The following FAAH2 variants were observed in gnomAD, a reference collection of about 807,000 sequenced individuals.
FAAH2 encodes the protein fatty-acid amide hydrolase 2.
FAAH2 carries 60 observed loss-of-function variants against 36.9 expected under a neutral mutation model. That is an observed-to-expected ratio of 1.63 (90% CI 1.32 to 2.02). The LOEUF (loss-of-function observed/expected upper bound fraction) is 2.02. Ranked by LOEUF, FAAH2 falls within the 30% of genes most tolerant of loss-of-function variation. FAAH2 has a pLI of 0.00. For synonymous variants in FAAH2, 214 were observed against 143.8 expected (o/e 1.49, Z -3.49); for missense variants, 689 against 397.5 (o/e 1.73, Z -6.23).
At chrX:57,184,030 G>A in the FAAH2 span, among the ~76,000 whole-genome samples, 1 of 110,721 alleles carries the variant, frequency 9.0e-6, no homozygotes, top group African/African-American at 3.3e-5. Flanking sequence ...ACTAGGGTGG[G>A]GGAAAACTAC....
At chrX:57,304,239 AC>A (rs2052458333) in intron 2 of FAAH2, among the ~76,000 whole-genome samples, 1 of 111,714 alleles carries the variant, frequency 9.0e-6, no homozygotes, top group Non-Finnish European at 1.9e-5. Context: ...AAACAAACAA[AC>A]AAAATAGCCT....
At chrX:57,417,217 C>T (rs763699086) in intron 7 of FAAH2, among the ~76,000 whole-genome samples, 3 of 111,994 alleles carry the variant, frequency 2.7e-5, no homozygotes, top group Non-Finnish European at 3.8e-5. Context: ...CCTTCTGAAG[C>T]CTTCTTCCAT....
the FAAH2 span, chrX:57,122,022 C>G: frequency 8.9e-6 from 1 of 111,931 alleles, no homozygotes; most frequent in African/African-American, 3.3e-5. Context: ...CTGATATTTC[C>G]TGGCATTTTT....
intron 10 of FAAH2, among the ~76,000 whole-genome samples, chrX:57,467,482 C>G (rs1291452848): frequency 8.9e-6 from 1 of 111,937 alleles, no homozygotes; most frequent in Non-Finnish European, 1.9e-5. Flanking sequence ...GGGTCCTACA[C>G]CCATGGAGCC....
the FAAH2 span, among the ~76,000 whole-genome samples, chrX:57,216,486 A>T: frequency 1.5e-5 from 1 of 64,600 alleles, no homozygotes; most frequent in Non-Finnish European, 2.7e-5. Context: ...GTATTCTATT[A>T]TATATATACG....
At chrX:57,190,969 AG>A in the FAAH2 span, among the ~76,000 whole-genome samples, 2 of 111,613 alleles carry the variant, frequency 1.8e-5, no homozygotes, top group African/African-American at 3.3e-5. Context: ...ATATCTTTTT[AG>A]TATACTGATG....
chrX:57,279,469 T>A, the FAAH2 span, among the ~76,000 whole-genome samples: 1 of 110,610 alleles, frequency 9.0e-6, no homozygotes, highest in Non-Finnish European at 1.9e-5. Context: ...GGGGACTAGG[T>A]GAGGGATAAC....
the FAAH2 span, among the ~76,000 whole-genome samples, chrX:57,167,301 T>C: frequency 8.9e-6 from 1 of 111,903 alleles, no homozygotes; most frequent in African/African-American, 3.3e-5. Flanking sequence ...TCCCAGTGTG[T>C]CTTGAAAAAT....
At chrX:57,292,935 T>G (rs2052027678) in intron 2 of FAAH2, among the ~76,000 whole-genome samples, 1 of 111,785 alleles carries the variant, frequency 8.9e-6, no homozygotes, top group South Asian at 3.8e-4. Flanking sequence ...CCCCTACACA[T>G]GCACACTTTT....
chrX:57,151,053 GA>G, the FAAH2 span, among the ~76,000 whole-genome samples: 3 of 112,084 alleles, frequency 2.7e-5, no homozygotes, highest in African/African-American at 9.8e-5. Flanking sequence ...ATTCTGGGTT[GA>G]AAATTATTTT....
intron 10 of FAAH2, among the ~76,000 whole-genome samples, chrX:57,463,470 A>G (rs1000880093): frequency 9.0e-6 from 1 of 111,488 alleles, no homozygotes; most frequent in Non-Finnish European, 1.9e-5. Flanking sequence ...TATATAGACC[A>G]ATAGAACAGA....
At chrX:57,399,524 A>G (rs2055382944) in intron 7 of FAAH2, among the ~76,000 whole-genome samples, 1 of 111,675 alleles carries the variant, frequency 9.0e-6, no homozygotes, top group South Asian at 3.8e-4. Flanking sequence ...ACCCCATACT[A>G]GGGGTCCTTC....
At chrX:57,383,103 A>G (rs1443123029) in intron 7 of FAAH2, among the ~76,000 whole-genome samples, 1 of 111,868 alleles carries the variant, frequency 8.9e-6, no homozygotes, top group African/African-American at 3.3e-5. Flanking sequence ...AGATGCAGAA[A>G]AGGCCTTTGA....
chrX:57,291,334 C>A (rs2051977010), intron 1 of FAAH2, among the ~76,000 whole-genome samples: 1 of 111,871 alleles, frequency 8.9e-6, no homozygotes, highest in Non-Finnish European at 1.9e-5. Context: ...ATGTATCATA[C>A]CATTTTAGGT....
chrX:57,341,259 T>C lies in FAAH2; in HGVS notation c.623-12T>C, dbSNP rs376344650. ...AGATTATTTATTTGCAAGTATTTTG[T>C]GTTTCTTGTAGGTGGTGAGGGCTGC... On this transcript the variant is annotated splice_polypyrimidine_tract_variant and intron_variant, in intron 4 of 10. Transcript: ENST00000374900. 97 of 1,190,315 alleles carry C rather than the reference T, an allele frequency of 8.1e-5. No homozygotes were observed. Among genetic ancestry groups the C allele is most frequent in the Non-Finnish European group, 1.1e-4 (95 of 886,718 alleles).
Position 57,341,339 on chromosome X carries a change from A to C in FAAH2, c.691A>C (p.Ile231Leu). 1.7e-6 allele frequency: 2 copies of C among 1,210,947 alleles called. No homozygotes were observed. Among genetic ancestry groups the C allele is most frequent in the Non-Finnish European group, 2.2e-6 (2 of 894,950 alleles). Reference protein sequence around the residue: ...IGVGSDIGGSIRMPAFFNGIF... With the variant: ...IGVGSDIGGSLRMPAFFNGIF... ...TGTGGGCTCTGATATTGGTGGTAGC[A>C]TTCGAATGCCTGCTTTCTTCAATGG... The change falls in exon 5 of 11, where the codon ATT becomes CTT. Residue 231 changes from isoleucine (I) to leucine (L), a missense_variant. Transcript: ENST00000374900.
intron 3 of FAAH2, among the ~76,000 whole-genome samples, chrX:57,320,002 A>T (rs1482783887): frequency 1.8e-5 from 2 of 112,079 alleles, no homozygotes; most frequent in African/African-American, 6.5e-5. Context: ...CTTACACCTT[A>T]TACAAAAATT....
chrX:57,240,586 A>G, the FAAH2 span, among the ~76,000 whole-genome samples: 1 of 112,129 alleles, frequency 8.9e-6, no homozygotes, highest in African/African-American at 3.2e-5. Flanking sequence ...GCAAGTGCAC[A>G]CAGTCTCCAC....
the FAAH2 span, among the ~76,000 whole-genome samples, chrX:57,146,382 T>C: frequency 8.9e-6 from 1 of 111,897 alleles, no homozygotes; most frequent in African/African-American, 3.2e-5. Context: ...ACTGTTGGTG[T>C]ATAGCAGAGC....
Sources: allele counts gnomAD v4.1 joint callset (sites outside exome capture counted in the v4.1 genomes callset), GRCh38; gene constraint gnomAD v4.1.1; transcripts MANE v1.5; gene names NCBI Gene and HGNC (gene_info 2026-07-23, HGNC 2026-07-21).